Variants in SCAPER observed in about 807,000 individuals in gnomAD.
SCAPER encodes the protein S phase cyclin A-associated protein in the endoplasmic reticulum.
Under a neutral mutation model 182.2 loss-of-function variants are expected in SCAPER, and 98 were observed. That is an observed-to-expected ratio of 0.54 (90% CI 0.46 to 0.64). SCAPER has a LOEUF of 0.64. Ranked by LOEUF, SCAPER falls within the 30% of genes least tolerant of loss-of-function variation. SCAPER has a pLI of 0.00. For synonymous variants in SCAPER, 605 were observed against 564.6 expected, an observed-to-expected ratio of 1.07 and a Z score of -1.01; for missense variants, 1,432 against 1,690.0, an observed-to-expected ratio of 0.85 and a Z score of 2.68.
intron 21 of SCAPER, among the ~76,000 whole-genome samples, chr15:76,657,794 C>T (rs1170091377): frequency 6.6e-6 from 1 of 152,028 alleles, no homozygotes; most frequent in African/African-American, 2.4e-5. Context: ...TTCATCTATA[C>T]ACAAAACTAA....
At chr15:76,632,437 C>T (rs1363987389) in intron 21 of SCAPER, among the ~76,000 whole-genome samples, 1 of 152,120 alleles carries the variant, frequency 6.6e-6, no homozygotes, top group East Asian at 1.9e-4. Flanking sequence ...TTGTGATCCA[C>T]CCACCTCGGT....
chr15:76,791,189 A>C (rs2064980658), intron 8 of SCAPER, among the ~76,000 whole-genome samples: 1 of 152,232 alleles, frequency 6.6e-6, no homozygotes, highest in Admixed American at 6.5e-5. Context: ...TTGTTAAGAC[A>C]TGTCTAATGA....
At chr15:76,703,982 A>C (rs544600823) in intron 18 of SCAPER, among the ~76,000 whole-genome samples, 5 of 152,266 alleles carry the variant, frequency 3.3e-5, no homozygotes, top group African/African-American at 1.2e-4. Flanking sequence ...CTGTGATATA[A>C]TATGAAACAT....
chr15:76,821,622 T>TCAAAA (rs1345784547), intron 5 of SCAPER, among the ~76,000 whole-genome samples: 9 of 151,602 alleles, frequency 5.9e-5, no homozygotes, highest in Admixed American at 3.3e-4. Context: ...AGACCTTCTC[T>TCAAAA]CAAAACAAAA....
chr15:76,759,397 G>T (rs994041613), intron 14 of SCAPER, among the ~76,000 whole-genome samples: 1 of 152,156 alleles, frequency 6.6e-6, no homozygotes, highest in Non-Finnish European at 1.5e-5. Context: ...GCAAAGGGTG[G>T]CATGGGCACT....
chr15:76,412,084 G>A (rs1675489728), intron 26 of SCAPER, among the ~76,000 whole-genome samples: 1 of 152,076 alleles, frequency 6.6e-6, no homozygotes, highest in South Asian at 2.1e-4. Flanking sequence ...TATATAACAA[G>A]AGGTTACTTT....
At chr15:76,474,625 T>C (rs750216325) in intron 24 of SCAPER, among the ~76,000 whole-genome samples, 2 of 152,186 alleles carry the variant, frequency 1.3e-5, no homozygotes, top group African/African-American at 2.4e-5. Flanking sequence ...ACTGAGATAA[T>C]AGATGTAAAG....
intron 21 of SCAPER, 24 bp from the exon 22 acceptor site, chr15:76,621,853 A>C: frequency 6.5e-7 from 1 of 1,546,644 alleles, no homozygotes; most frequent in Non-Finnish European, 8.8e-7. Flanking sequence ...AAGTTTTAAC[A>C]CAGTTATTTC....
rs1555423059 is a variant in SCAPER, at chr15:76,397,494, T to TTC, written c.3467+7029_3467+7030insGA. 9.3e-4 allele frequency among the ~76,000 whole-genome samples: 136 copies of TTC among 147,012 alleles called. 1 individual carries two copies. Among genetic ancestry groups the TTC allele is most frequent in the Admixed American group, 8.4e-3 (123 of 14,658 alleles). On this transcript the variant is annotated intron_variant, in intron 27 of 31. Coordinates refer to ENST00000563290, the MANE Select transcript of SCAPER (RefSeq NM_020843.4). The stretch of plus-strand genomic sequence containing the variant: ...GCAGACTTTTTTTTTTTTTTTTTTT[T>TTC]TTTGAGACGGAGTTTCACTCTTGTT...
At position 76,602,521 on chromosome 15, in the gene SCAPER, G is replaced by C. The variant is rs1387965516; in HGVS notation, c.2711+19243C>G. On this transcript the variant is annotated intron_variant, in intron 22 of 31. Transcript: ENST00000563290. ...TTTGAATATCATACGCTCACAGGTA[G>C]AATTTTTTGTTTTTGTTTTTTGGGG... is the stretch of plus-strand genomic sequence containing the variant. Among the ~76,000 whole-genome samples, 3 of 120,314 alleles carry C rather than the reference G, an allele frequency of 2.5e-5. 1 individual carries two copies. The highest frequency in any genetic ancestry group is 7.6e-5 in the African/African-American group (3 of 39,578). The allele number at this position is 120,314 out of a possible 152,430, so 78.9% of individuals were successfully genotyped here. A position where few individuals can be genotyped will look rare whatever the true frequency, so the allele number is the denominator to read the frequency against.
intron 20 of SCAPER, among the ~76,000 whole-genome samples, chr15:76,693,276 T>C (rs1321739755): frequency 2.6e-5 from 4 of 152,128 alleles, no homozygotes; most frequent in Admixed American, 6.5e-5. Flanking sequence ...AAGAAATGAA[T>C]TGCTAATTTA....
intron 21 of SCAPER, among the ~76,000 whole-genome samples, chr15:76,622,475 T>C (rs1187000369): frequency 6.6e-6 from 1 of 151,180 alleles, no homozygotes; most frequent in Non-Finnish European, 1.5e-5. Context: ...ATAGCCCTAA[T>C]GAGGAAAAAA....
intron 21 of SCAPER, among the ~76,000 whole-genome samples, chr15:76,634,253 C>T (rs1049810494): frequency 1.2e-4 from 19 of 152,196 alleles, no homozygotes; most frequent in African/African-American, 3.4e-4. Flanking sequence ...CTATGCAGCT[C>T]CCAGGTAGAC....
chr15:76,878,982 T>C (rs1279369537), intron 2 of SCAPER, among the ~76,000 whole-genome samples: 1 of 152,180 alleles, frequency 6.6e-6, no homozygotes, highest in Non-Finnish European at 1.5e-5. Flanking sequence ...TACTGTGTAC[T>C]GGTGAGGATC....
rs530346164 is a variant in SCAPER, at chr15:76,725,210, C to T, written c.2165+3385G>A. Reference sequence around the variant, plus strand: ...TAAAATGTGTACAAAAAATAAAATACTTAGGAATAAACATAACAAGATGAG... The same window carrying T: ...TAAAATGTGTACAAAAAATAAAATATTTAGGAATAAACATAACAAGATGAG... On this transcript the variant is annotated intron_variant, in intron 17 of 31. Coordinates refer to ENST00000563290, the MANE Select transcript of SCAPER (RefSeq NM_020843.4). 4.6e-5 allele frequency among the ~76,000 whole-genome samples: 7 copies of T among 152,020 alleles called. 1 individual carries two copies. Among genetic ancestry groups the T allele is most frequent in the African/African-American group, 1.4e-4 (6 of 41,486 alleles).
chr15:76,579,554 GC>G (rs1567514559), intron 22 of SCAPER, among the ~76,000 whole-genome samples: 1 of 150,100 alleles, frequency 6.7e-6, no homozygotes, highest in African/African-American at 2.4e-5. Flanking sequence ...AAAATAAAAA[GC>G]AAGAAATGAA....
chr15:76,367,118 G>C (rs759573047), intron 29 of SCAPER, among the ~76,000 whole-genome samples: 28 of 152,198 alleles, frequency 1.8e-4, no homozygotes, highest in African/African-American at 6.0e-4. Flanking sequence ...GAGCTGAAAG[G>C]CTTCTTCAGA....
At position 76,702,961 on chromosome 15, in the gene SCAPER, T is replaced by C. The variant is rs951469191; in HGVS notation, c.2289A>G (p.Gln763=). The change falls in exon 19 of 32, where the codon CAA becomes CAG. Residue 763 remains glutamine, a synonymous_variant. Coordinates refer to ENST00000563290, the MANE Select transcript of SCAPER (RefSeq NM_020843.4). ...TTAGCTCAGCAGCTTTTTCTTTTCT[T>C]TGTTCAATCTGTTCCATGTGCCTTC... The part of the protein sequence containing the change: ...SIRRHMEQIE[Q]RKEKAAELSS... The C allele has an allele frequency of 3.1e-6, 5 of 1,608,502 alleles. No individual in the cohort carries two copies. Among genetic ancestry groups the C allele is most frequent in the Admixed American group, 1.7e-5 (1 of 59,080 alleles).
At chr15:76,623,376 G>C (rs918228491) in intron 21 of SCAPER, among the ~76,000 whole-genome samples, 5 of 152,144 alleles carry the variant, frequency 3.3e-5, no homozygotes, top group Non-Finnish European at 1.5e-5. Context: ...TTATAGTTTA[G>C]AGGTCTTACC....
Sources: allele counts gnomAD v4.1 joint callset (sites outside exome capture counted in the v4.1 genomes callset), GRCh38; gene constraint gnomAD v4.1.1; transcripts MANE v1.5; gene names NCBI Gene and HGNC (gene_info 2026-07-23, HGNC 2026-07-21).